The following NLRP11 variants were observed in gnomAD, a reference collection of about 807,000 sequenced individuals.
The protein encoded by NLRP11 is NACHT, LRR and PYD domains-containing protein 11.
In NLRP11, 53 loss-of-function variants were observed where a neutral mutation model predicts 79.3. The observed-to-expected ratio is 0.67, with a 90% CI of 0.54 to 0.84. The LOEUF is 0.84. NLRP11 is among the 40% of genes least tolerant of loss of function. The pLI is 0.00. For missense variants in NLRP11, 1,264 were observed against 1,255.0 expected (o/e 1.01, Z -0.11); for synonymous variants, 518 against 462.6 (o/e 1.12, Z -1.54).
At chr19:55,807,534 G>A (rs909620635) in intron 4 of NLRP11, among the ~76,000 whole-genome samples, 2 of 152,078 alleles carry the variant, frequency 1.3e-5, no homozygotes, top group African/African-American at 4.8e-5. Flanking sequence ...TGAGATGCAA[G>A]CAGAAGTGAT....
chr19:55,811,970 T>TACACACAAACACACAC (rs71182912), intron 2 of NLRP11, among the ~76,000 whole-genome samples: 1 of 149,096 alleles, frequency 6.7e-6, no homozygotes, highest in African/African-American at 2.5e-5. Flanking sequence ...TTCACACATG[T>TACACACAAACACACAC]ACACACACAC....
chr19:55,832,741 G>A (rs534310603), upstream of NLRP11: 2 of 152,242 alleles, frequency 1.3e-5, no homozygotes, highest in East Asian at 3.9e-4. Context: ...GGAAATAAAA[G>A]AATTTCCTTC....
intron 8 of NLRP11, 44 bp from the exon 9 acceptor site, chr19:55,789,021 G>GA (rs944584003): frequency 3.1e-6 from 5 of 1,605,764 alleles, no homozygotes; most frequent in Admixed American, 3.4e-5. Flanking sequence ...AATCCTTGAG[G>GA]AAAAATGGCA....
chr19:55,806,173 C>T lies in NLRP11; in HGVS notation c.2003+1680G>A, dbSNP rs1287217720. The stretch of plus-strand genomic sequence containing the variant: ...GGGCATCAGTCTTTGGATCGTTTTG[C>T]TTCCTGAGCAACATTCCTATCCTTG... On this transcript the variant is annotated intron_variant, in intron 4 of 9. Transcript: ENST00000589093. Among the ~76,000 whole-genome samples the T allele has an allele frequency of 4.0e-5, 6 of 151,200 alleles. No homozygotes were observed. In the East Asian group the frequency reaches 9.6e-4, roughly 24 times the overall value.
intron 1 of NLRP11, among the ~76,000 whole-genome samples, chr19:55,822,745 C>G (rs1427659152): frequency 2.0e-5 from 3 of 152,154 alleles, no homozygotes; most frequent in African/African-American, 7.2e-5. Flanking sequence ...TATCCCACAC[C>G]TGGCTCGGAG....
rs1022876511 is a variant in NLRP11, at chr19:55,785,538, C to T, written c.*87G>A. On this transcript the variant is annotated 3_prime_UTR_variant, in exon 10 of 10. Coordinates refer to ENST00000589093, the Ensembl canonical transcript of NLRP11. The stretch of plus-strand genomic sequence containing the variant: ...ACACACACACACACACACACACACA[C>T]ATCAAATAGGAAAATTATAGTCCTA... The T allele has an allele frequency of 1.9e-4, 198 of 1,022,340 alleles. 1 individual carries two copies. Among genetic ancestry groups the T allele is most frequent in the Middle Eastern group, 2.8e-4 (1 of 3,524 alleles). The allele number at this position is 1,022,340 out of a possible 1,614,324, so 63.3% of individuals were successfully genotyped here.
chr19:55,821,251 C>CACACACACA (rs1226887343), intron 1 of NLRP11, among the ~76,000 whole-genome samples: 1 of 65,518 alleles, frequency 1.5e-5, no homozygotes, highest in South Asian at 3.8e-4. Flanking sequence ...ACACACACAC[C>CACACACACA]CCAAGCACTG....
chr19:55,813,910 A>G (rs1311732361), intron 2 of NLRP11, among the ~76,000 whole-genome samples: 2 of 152,106 alleles, frequency 1.3e-5, no homozygotes, highest in East Asian at 3.9e-4. Flanking sequence ...TGAAACCCTC[A>G]GTAGATAGTG....
At position 55,795,974 on chromosome 19, in the gene NLRP11, T is replaced by C. The variant is rs1600177252; in HGVS notation, c.2342+106A>G. 6.0e-6 allele frequency: 6 copies of C among 995,248 alleles called. No individual in the cohort carries two copies. The East Asian group carries it at 7.3e-5, about 12-fold the overall frequency. 61.7% of individuals were successfully genotyped at this position (995,248 alleles called of 1,614,324 possible). On this transcript the variant is annotated intron_variant, in intron 6 of 9. Transcript: ENST00000589093. ...GAACTCCAAAGACTGTGCTTTCGGC[T>C]GCTTTGCTTTGCTGTCCCTTTCCCC...
chr19:55,830,711 C>T (rs1303229120), intron 1 of NLRP11, among the ~76,000 whole-genome samples: 1 of 147,894 alleles, frequency 6.8e-6, no homozygotes, highest in African/African-American at 2.6e-5. Context: ...TCTGACCACA[C>T]TGCAATGCTT....
chr19:55,818,736 T>C (rs985388841), intron 1 of NLRP11, among the ~76,000 whole-genome samples: 1 of 152,014 alleles, frequency 6.6e-6, no homozygotes, highest in African/African-American at 2.4e-5. Context: ...AGGCAACTGT[T>C]ATAATAAGCA....
At chr19:55,814,316 C>T (rs779087824) in intron 2 of NLRP11, among the ~76,000 whole-genome samples, 2 of 151,870 alleles carry the variant, frequency 1.3e-5, no homozygotes, top group African/African-American at 2.4e-5. Context: ...TACATCATGG[C>T]GAGTTGTAGA....
upstream of NLRP11, among the ~76,000 whole-genome samples, chr19:55,833,765 CAAAAAAAAAAA>C (rs71182919): frequency 1.4e-3 from 32 of 23,492 alleles, 1 homozygote; most frequent in Admixed American, 3.0e-3. Flanking sequence ...GACTCCGTCT[CAAAAAAAAAAA>C]AAAAAAAAAA....
At chr19:55,786,199 C>G (rs1033293442) in intron 9 of NLRP11, among the ~76,000 whole-genome samples, 1 of 152,156 alleles carries the variant, frequency 6.6e-6, no homozygotes, top group African/African-American at 2.4e-5. Context: ...TTTATAGGTT[C>G]CAATACTGAG....
chr19:55,798,469 T>C (rs772976660), intron 5 of NLRP11: 22 of 270,392 alleles, frequency 8.1e-5, no homozygotes, highest in Non-Finnish European at 1.2e-4. Context: ...TGAGAACACA[T>C]GGACACATAG....
chr19:55,823,076 A>G (rs1342619028), intron 1 of NLRP11, among the ~76,000 whole-genome samples: 177 of 147,952 alleles, frequency 1.2e-3, no homozygotes, highest in African/African-American at 4.1e-3. Context: ...GAGAACCAGC[A>G]GACTGCCTCC....
intron 6 of NLRP11, among the ~76,000 whole-genome samples, chr19:55,793,556 CAAAAAAAAAAAAAAAAAA>C (rs59605427): frequency 6.7e-4 from 24 of 35,692 alleles, no homozygotes; most frequent in African/African-American, 2.7e-3. Context: ...TGACTGTCTC[CAAAAAAAAAAAAAAAAAA>C]AAAAAAAAAA....
chr19:55,801,678 G>A lies in NLRP11; in HGVS notation c.2065C>T (p.Arg689Trp), dbSNP rs1979495681. The A allele has an allele frequency of 1.9e-6, 3 of 1,613,702 alleles. No homozygotes were observed. The highest frequency in any genetic ancestry group is 1.3e-5 in the African/African-American group (1 of 75,018). The change falls in exon 5 of 10, where the codon CGG becomes TGG. Residue 689 changes from arginine to tryptophan, a missense_variant. Physicochemically the swap from Arg to Trp is moderately radical, Grantham distance 101 (BLOSUM62 -3). Coordinates refer to ENST00000589093, the Ensembl canonical transcript of NLRP11. ...TTGATACTCAGGTATGTCAGGCTCC[G>A]ATTACGAGCCAAAGCCTTGAGTAAG...
At chr19:55,829,658 CAAAAAAAAAAA>C (rs543036205) in intron 1 of NLRP11, among the ~76,000 whole-genome samples, 2 of 73,138 alleles carry the variant, frequency 2.7e-5, no homozygotes, top group Admixed American at 3.6e-4. Flanking sequence ...GACTCCGTCT[CAAAAAAAAAAA>C]AAAAAAAAAA....
Sources: allele counts gnomAD v4.1 joint callset (sites outside exome capture counted in the v4.1 genomes callset), GRCh38; gene constraint gnomAD v4.1.1; transcripts MANE v1.5; gene names NCBI Gene and HGNC (gene_info 2026-07-23, HGNC 2026-07-21).